ZDHHC14: variants seen among roughly 807,000 people sequenced by gnomAD.
ZDHHC14 encodes the protein palmitoyltransferase ZDHHC14.
A neutral mutation model predicts 47.7 loss-of-function variants in ZDHHC14; 16 were observed. The ratio of observed to expected loss-of-function variants is 0.34; its 90% CI spans 0.23 to 0.51. ZDHHC14 has a LOEUF of 0.51. ZDHHC14 is among the 20% of genes least tolerant of loss of function. The pLI is 0.97. For synonymous variants in ZDHHC14, 293 were observed against 278.9 expected (o/e 1.05, Z -0.50); for missense variants, 515 against 662.5 (o/e 0.78, Z 2.44).
chr6:157,520,298 C>T (rs1472019019), intron 1 of ZDHHC14, among the ~76,000 whole-genome samples: 2 of 152,192 alleles, frequency 1.3e-5, no homozygotes, highest in African/African-American at 4.8e-5. Context: ...CTGGGTCTGT[C>T]TTCTCCAGCT....
chr6:157,618,520 C>T (rs1785054848), intron 3 of ZDHHC14, among the ~76,000 whole-genome samples: 1 of 152,132 alleles, frequency 6.6e-6, no homozygotes. Flanking sequence ...CGGGGTTTCA[C>T]CATGTTGGCC....
chr6:157,509,956 A>T (rs1780422068), intron 1 of ZDHHC14, among the ~76,000 whole-genome samples: 1 of 152,106 alleles, frequency 6.6e-6, no homozygotes, highest in South Asian at 2.1e-4. Flanking sequence ...TAAATTCCCT[A>T]CTTCATGGCC....
intron 1 of ZDHHC14, among the ~76,000 whole-genome samples, chr6:157,483,001 C>T (rs556629129): frequency 1.8e-4 from 27 of 152,172 alleles, no homozygotes; most frequent in Admixed American, 1.2e-3. Context: ...CTTGGCATCC[C>T]AAAGTGCTGG....
At chr6:157,625,972 C>T (rs1175419304) in intron 3 of ZDHHC14, among the ~76,000 whole-genome samples, 5 of 152,190 alleles carry the variant, frequency 3.3e-5, no homozygotes, top group Non-Finnish European at 7.3e-5. Flanking sequence ...GTCTCGTCCG[C>T]ATCATCTGTT....
intron 5 of ZDHHC14, among the ~76,000 whole-genome samples, chr6:157,634,753 G>T (rs1776881618): frequency 1.3e-5 from 2 of 152,230 alleles, no homozygotes. Flanking sequence ...GAAACCCTGT[G>T]CGTGTGCAGG....
At chr6:157,517,548 T>C (rs898319150) in intron 1 of ZDHHC14, among the ~76,000 whole-genome samples, 2 of 152,196 alleles carry the variant, frequency 1.3e-5, no homozygotes, top group Non-Finnish European at 2.9e-5. Flanking sequence ...TGACCTCAAG[T>C]GATCCATTCG....
At chr6:157,595,984 G>A (rs1417450380) in intron 3 of ZDHHC14, among the ~76,000 whole-genome samples, 3 of 152,310 alleles carry the variant, frequency 2.0e-5, no homozygotes, top group South Asian at 2.1e-4. Context: ...GGAGCACACC[G>A]CAAGCCGCGG....
intron 2 of ZDHHC14, among the ~76,000 whole-genome samples, chr6:157,548,548 G>A (rs1782083889): frequency 6.6e-6 from 1 of 152,222 alleles, no homozygotes; most frequent in Admixed American, 6.5e-5. Flanking sequence ...CCGGGTTCAA[G>A]CAATTCTCCT....
At chr6:157,659,228 A>G (rs1355205730) in intron 8 of ZDHHC14, among the ~76,000 whole-genome samples, 1 of 152,248 alleles carries the variant, frequency 6.6e-6, no homozygotes, top group Non-Finnish European at 1.5e-5. Flanking sequence ...CTTCAGTGAA[A>G]GTCAAGAGGC....
chr6:157,549,937 G>A (rs144104170), intron 2 of ZDHHC14, among the ~76,000 whole-genome samples: 18 of 152,288 alleles, frequency 1.2e-4, no homozygotes, highest in East Asian at 1.9e-4. Context: ...TGAAGTTGGC[G>A]ACATTACTAT....
At chr6:157,647,417 A>T in intron 7 of ZDHHC14, 49 bp downstream of exon 7, 1 of 1,490,528 alleles carries the variant, frequency 6.7e-7, no homozygotes, top group Non-Finnish European at 9.2e-7. Flanking sequence ...GGAAAACCGA[A>T]TGCCTCGGCC....
chr6:157,465,171 A>G (rs1377833098), intron 1 of ZDHHC14, among the ~76,000 whole-genome samples: 1 of 151,044 alleles, frequency 6.6e-6, no homozygotes, highest in Admixed American at 6.6e-5. Context: ...ATGAAAAAAA[A>G]AGATTTAATT....
chr6:157,662,028 A>G (rs1226361409), intron 8 of ZDHHC14, among the ~76,000 whole-genome samples: 1 of 151,882 alleles, frequency 6.6e-6, no homozygotes, highest in African/African-American at 2.4e-5. Context: ...CAGGACCCCA[A>G]ATCAGAACTT....
At chr6:157,475,567 C>T (rs1200286144) in intron 1 of ZDHHC14, among the ~76,000 whole-genome samples, 1 of 152,030 alleles carries the variant, frequency 6.6e-6, no homozygotes, top group African/African-American at 2.4e-5. Context: ...AGCATACAGA[C>T]CCTTCACCTC....
At chr6:157,429,344 A>AAACTT (rs1365418378) in intron 1 of ZDHHC14, among the ~76,000 whole-genome samples, 2 of 152,200 alleles carry the variant, frequency 1.3e-5, no homozygotes, top group Non-Finnish European at 2.9e-5. Flanking sequence ...TTGTTTTGTG[A>AAACTT]AACTTTTGTT....
intron 1 of ZDHHC14, among the ~76,000 whole-genome samples, chr6:157,409,497 G>A (rs1023870385): frequency 1.1e-4 from 16 of 152,208 alleles, no homozygotes; most frequent in Admixed American, 7.2e-4. Context: ...GGACAAGGGC[G>A]TGACTGCTCC....
chr6:157,555,847 C>T (rs1782436062), intron 2 of ZDHHC14, among the ~76,000 whole-genome samples: 1 of 152,170 alleles, frequency 6.6e-6, no homozygotes, highest in South Asian at 2.1e-4. Context: ...TGCCAAATGT[C>T]CCCTTGGGCA....
intron 1 of ZDHHC14, among the ~76,000 whole-genome samples, chr6:157,453,772 C>G (rs796076745): frequency 8.2e-6 from 1 of 121,320 alleles, no homozygotes; most frequent in African/African-American, 3.7e-5. Context: ...ATTCTAAGGC[C>G]ATTGTTTTTT....
Position 157,548,018 on chromosome 6 carries a change from G to C in ZDHHC14, c.406+5273G>C, listed in dbSNP as rs186034733. 2.5e-3 allele frequency among the ~76,000 whole-genome samples: 377 copies of C among 151,568 alleles called. 1 individual carries two copies. Among genetic ancestry groups the C allele is most frequent in the Middle Eastern group, 6.8e-3 (2 of 292 alleles). ...AATGAGTAGTCTACTGGCTGTGGTTGATCTGTGATTGAATCTTCATACACT... is the reference window on the plus strand; with the variant it reads ...AATGAGTAGTCTACTGGCTGTGGTTCATCTGTGATTGAATCTTCATACACT... On this transcript the variant is annotated intron_variant, in intron 2 of 8. Transcript: ENST00000359775.
Sources: gnomAD v4.1 joint callset for allele counts (sites outside exome capture counted in the v4.1 genomes callset) on GRCh38, gnomAD v4.1.1 for gene constraint, MANE v1.5 for transcripts, NCBI Gene and HGNC (gene_info 2026-07-23, HGNC 2026-07-21) for gene names.